Variants in FHIT observed in about 807,000 individuals in gnomAD.
FHIT encodes the protein bis(5'-adenosyl)-triphosphatase.
A neutral mutation model predicts 17.9 loss-of-function variants in FHIT; 19 were observed. The ratio of observed to expected loss-of-function variants is 1.06; its 90% CI spans 0.74 to 1.56. FHIT has a LOEUF of 1.56. FHIT is among the 40% of genes most tolerant of loss of function. The pLI is 0.00. For synonymous variants in FHIT, 81 were observed against 69.7 expected (o/e 1.16, Z -0.81); for missense variants, 248 against 189.2 (o/e 1.31, Z -1.82).
chr3:60,588,394 C>G (rs1231251952), intron 4 of FHIT, among the ~76,000 whole-genome samples: 1 of 151,796 alleles, frequency 6.6e-6, no homozygotes, highest in African/African-American at 2.4e-5. Flanking sequence ...TGAAAAATGC[C>G]ACTCTCTAAA....
intron 3 of FHIT, among the ~76,000 whole-genome samples, chr3:60,897,116 C>T (rs782547580): frequency 3.9e-5 from 6 of 152,168 alleles, no homozygotes; most frequent in East Asian, 1.9e-4. Flanking sequence ...ACTCCAATCC[C>T]GATTCACAGG....
intron 2 of FHIT, among the ~76,000 whole-genome samples, chr3:61,071,570 A>G (rs2034807417): frequency 2.0e-5 from 3 of 152,228 alleles, no homozygotes; most frequent in Admixed American, 2.0e-4. Context: ...ATTAAAAATA[A>G]TGTTCCTAAA....
At chr3:60,036,989 G>C (rs911472622) in intron 5 of FHIT, among the ~76,000 whole-genome samples, 15 of 152,198 alleles carry the variant, frequency 9.9e-5, no homozygotes, top group African/African-American at 3.6e-4. Context: ...AAAGGAGATT[G>C]ACTTCCAACA....
intron 5 of FHIT, among the ~76,000 whole-genome samples, chr3:60,255,808 T>C (rs1488300803): frequency 6.6e-6 from 1 of 151,986 alleles, no homozygotes; most frequent in Non-Finnish European, 1.5e-5. Context: ...TGAGCCGAGA[T>C]TGTGCCACTG....
intron 5 of FHIT, among the ~76,000 whole-genome samples, chr3:60,401,286 G>C (rs1701647381): frequency 6.6e-6 from 1 of 152,176 alleles, no homozygotes; most frequent in Non-Finnish European, 1.5e-5. Flanking sequence ...ATGAAAGACA[G>C]CTGTGCTGGT....
intron 5 of FHIT, among the ~76,000 whole-genome samples, chr3:60,092,406 G>T (rs1703770906): frequency 6.6e-6 from 1 of 152,184 alleles, no homozygotes; most frequent in African/African-American, 2.4e-5. Context: ...GGCCATGGTA[G>T]AAGTACGAAG....
At chr3:59,790,528 C>CTG (rs35731034) in intron 8 of FHIT, among the ~76,000 whole-genome samples, 158 of 91,826 alleles carry the variant, frequency 1.7e-3, no homozygotes, top group Middle Eastern at 0.011. Context: ...CTCTCTCTCT[C>CTG]TGTGTGTGTG....
intron 4 of FHIT, among the ~76,000 whole-genome samples, chr3:60,805,478 G>T (rs1701350655): frequency 6.6e-6 from 1 of 151,656 alleles, no homozygotes; most frequent in African/African-American, 2.4e-5. Flanking sequence ...TTCTTATAAG[G>T]GCACCAGTTG....
At chr3:61,219,706 A>T (rs1358645371) in intron 1 of FHIT, among the ~76,000 whole-genome samples, 1 of 152,178 alleles carries the variant, frequency 6.6e-6, no homozygotes, top group Non-Finnish European at 1.5e-5. Flanking sequence ...TCCTAAAAGA[A>T]ATAAACATGG....
chr3:60,872,187 G>C (rs1704444885), intron 3 of FHIT, among the ~76,000 whole-genome samples: 1 of 152,084 alleles, frequency 6.6e-6, no homozygotes, highest in African/African-American at 2.4e-5. Context: ...GTTTGTGGTA[G>C]AAATTCCATG....
At position 61,067,766 on chromosome 3, in the gene FHIT, G is replaced by A. The variant is rs1280307283; in HGVS notation, c.-163-25667C>T. 2.6e-5 allele frequency among the ~76,000 whole-genome samples: 4 copies of A among 152,244 alleles called. 1 individual carries two copies. The South Asian group carries it at 8.3e-4, about 32-fold the overall frequency. On this transcript the variant is annotated intron_variant, in intron 2 of 9. Coordinates refer to ENST00000492590, the MANE Select transcript of FHIT (RefSeq NM_002012.4). ...GCTCCAAGGTTATCTCTTTGGAGATGGTCAAGGGCCAGTCTTTTATTTGGT... is the reference window on the plus strand; with the variant it reads ...GCTCCAAGGTTATCTCTTTGGAGATAGTCAAGGGCCAGTCTTTTATTTGGT...
chr3:60,729,811 A>G (rs985775373), intron 4 of FHIT, among the ~76,000 whole-genome samples: 2 of 152,076 alleles, frequency 1.3e-5, no homozygotes, highest in Non-Finnish European at 2.9e-5. Flanking sequence ...AATTTCTGGA[A>G]GGACCTATAT....
At chr3:60,062,788 G>A (rs773493137) in intron 5 of FHIT, among the ~76,000 whole-genome samples, 1 of 152,100 alleles carries the variant, frequency 6.6e-6, no homozygotes, top group Non-Finnish European at 1.5e-5. Context: ...TTTGGTTTGA[G>A]AAAGAATCTT....
At chr3:59,792,433 A>G (rs1699604475) in intron 8 of FHIT, among the ~76,000 whole-genome samples, 1 of 152,174 alleles carries the variant, frequency 6.6e-6, no homozygotes, top group Non-Finnish European at 1.5e-5. Flanking sequence ...TGATCTGAAA[A>G]TTGTGAAAAT....
intron 5 of FHIT, among the ~76,000 whole-genome samples, chr3:60,394,503 C>T (rs1057448961): frequency 6.6e-6 from 1 of 152,130 alleles, no homozygotes; most frequent in African/African-American, 2.4e-5. Flanking sequence ...AATGCTTTGG[C>T]ACAGAAGGGG....
intron 8 of FHIT, among the ~76,000 whole-genome samples, chr3:59,862,956 T>C (rs1239443247): frequency 6.6e-6 from 1 of 152,174 alleles, no homozygotes; most frequent in African/African-American, 2.4e-5. Flanking sequence ...ACTTTCAGGC[T>C]AGTTTGCACT....
In FHIT at chr3:60,732,112, G is replaced by A. The variant is rs2042042009; in HGVS notation, c.-18+89807C>T. The A allele has an allele frequency of 7.3e-6, 5 of 685,900 alleles. No individual in the cohort carries two copies. In the Admixed American group the frequency reaches 9.9e-5, roughly 14 times the overall value. The allele number at this position is 685,900 out of a possible 1,614,324, so 42.5% of individuals were successfully genotyped here. A position where few individuals can be genotyped will look rare whatever the true frequency, so the allele number is the denominator to read the frequency against. On this transcript the variant is annotated intron_variant, in intron 4 of 9. Coordinates refer to ENST00000492590, the MANE Select transcript of FHIT (RefSeq NM_002012.4). ...AGTCTCCTGAGCTACAGAAGGAATGGTCTGGTGGTTAAGAGAAAACACAAG... is the reference window on the plus strand; with the variant it reads ...AGTCTCCTGAGCTACAGAAGGAATGATCTGGTGGTTAAGAGAAAACACAAG...
chr3:59,761,502 G>A (rs1232921790), intron 8 of FHIT, among the ~76,000 whole-genome samples: 2 of 152,138 alleles, frequency 1.3e-5, no homozygotes, highest in Non-Finnish European at 2.9e-5. Context: ...ACAGGTACAG[G>A]TTAAGAGATT....
chr3:60,422,173 G>C (rs1386170125), intron 5 of FHIT, among the ~76,000 whole-genome samples: 1 of 152,138 alleles, frequency 6.6e-6, no homozygotes, highest in Admixed American at 6.6e-5. Flanking sequence ...TATGACTCCA[G>C]GTTTCAAATG....
Sources: allele counts gnomAD v4.1 joint callset (sites outside exome capture counted in the v4.1 genomes callset), GRCh38; gene constraint gnomAD v4.1.1; transcripts MANE v1.5; gene names NCBI Gene and HGNC (gene_info 2026-07-23, HGNC 2026-07-21).